Variants in DNAH10 observed in about 807,000 individuals in gnomAD.
DNAH10 encodes dynein axonemal heavy chain 10, also known as axonemal beta dynein heavy chain 10.
Under a neutral mutation model 506.6 loss-of-function variants are expected in DNAH10, and 348 were observed. The observed-to-expected ratio is 0.69, with a 90% CI of 0.63 to 0.75. The LOEUF is 0.75. Among genes scored for constraint, DNAH10 ranks in the 30% least tolerant of loss-of-function variants. The pLI is 0.00. For synonymous variants in DNAH10, 2,059 were observed against 2,198.6 expected, an observed-to-expected ratio of 0.94 and a Z score of 1.78; for missense variants, 5,179 against 5,787.1, an observed-to-expected ratio of 0.89 and a Z score of 3.41.
intron 70 of DNAH10, 166 bp from the exon 71 acceptor site, chr12:123,929,109 C>CT: frequency 2.9e-6 from 2 of 700,564 alleles, no homozygotes; most frequent in Non-Finnish European, 4.7e-6. Context: ...ACATCTAGTC[C>CT]TTTAACTTCT....
chr12:123,780,213 T>C (rs1386936581), intron 5 of DNAH10, among the ~76,000 whole-genome samples: 3 of 143,278 alleles, frequency 2.1e-5, no homozygotes, highest in East Asian at 2.3e-4. Flanking sequence ...ATCGCCCAGG[T>C]TGGAGTGCAG....
rs1954527658 is a variant in DNAH10, at chr12:123,917,343, A to G, written c.11003-241A>G. 6.6e-6 allele frequency among the ~76,000 whole-genome samples: 1 copy of G among 152,112 alleles called. No individual in the cohort carries two copies. The highest frequency in any genetic ancestry group is 2.4e-5 in the African/African-American group (1 of 41,418). On this transcript the variant is annotated intron_variant, in intron 63 of 78. Coordinates refer to ENST00000673944, the MANE Select transcript of DNAH10 (RefSeq NM_001372106.1). The surrounding 1 kb of genome is among the most constrained non-coding windows in gnomAD (Gnocchi z 5.6). ...TAAACTATGGCACCCCAGTCCGTGG[A>G]AGCCTGGGTTTTATTTCAGTGTGTT...
chr12:123,869,713 C>T (rs2136952598), intron 43 of DNAH10, among the ~76,000 whole-genome samples: 1 of 152,340 alleles, frequency 6.6e-6, no homozygotes, highest in Middle Eastern at 3.4e-3. Context: ...GCCCCTTCCT[C>T]CTTCTCAGGC....
intron 2 of DNAH10, among the ~76,000 whole-genome samples, chr12:123,770,477 CGTAA>C (rs1175089229): frequency 8.0e-6 from 1 of 125,772 alleles, no homozygotes; most frequent in Non-Finnish European, 1.6e-5. Flanking sequence ...GGCACCTGCT[CGTAA>C]GTGTGATTTT....
intron 39 of DNAH10, among the ~76,000 whole-genome samples, chr12:123,863,034 T>G (rs1252760608): frequency 6.6e-6 from 1 of 152,100 alleles, no homozygotes; most frequent in African/African-American, 2.4e-5. Flanking sequence ...CTCTGTAAGT[T>G]TGAAATTATT....
intron 37 of DNAH10, among the ~76,000 whole-genome samples, chr12:123,858,401 C>T (rs1951484367): frequency 6.6e-6 from 1 of 152,114 alleles, no homozygotes; most frequent in Admixed American, 6.5e-5. Flanking sequence ...CACCGGGTAC[C>T]GGCCGTGGAC....
chr12:123,915,118 C>A, intron 62 of DNAH10, 119 bp downstream of exon 62: 1 of 1,342,766 alleles, frequency 7.4e-7, no homozygotes, highest in Non-Finnish European at 9.9e-7. Context: ...GAAATGCTTC[C>A]ATCCTGACCC....
intron 11 of DNAH10, among the ~76,000 whole-genome samples, chr12:123,791,475 G>A (rs1958077943): frequency 6.6e-6 from 1 of 152,122 alleles, no homozygotes; most frequent in Admixed American, 6.5e-5. Context: ...AGTTCTACTT[G>A]GTTATATAGA....
At chr12:123,889,399 A>G (rs1952878657) in intron 52 of DNAH10, among the ~76,000 whole-genome samples, 1 of 151,968 alleles carries the variant, frequency 6.6e-6, no homozygotes, top group African/African-American at 2.4e-5. Context: ...GAGAGGGGGG[A>G]TCGGGTCATC....
intron 38 of DNAH10, 159 bp from the exon 39 acceptor site, chr12:123,860,853 C>A: frequency 1.1e-6 from 1 of 875,646 alleles, no homozygotes; most frequent in Non-Finnish European, 1.8e-6. Flanking sequence ...TAGAAGAAAG[C>A]ACTAACAGTG....
chr12:123,927,001 C>A, intron 69 of DNAH10, 181 bp downstream of exon 69: 3 of 677,700 alleles, frequency 4.4e-6, no homozygotes, highest in Non-Finnish European at 7.3e-6. Flanking sequence ...ATTTCACAAC[C>A]TCATGTTGTG....
chr12:123,847,898 G>A, intron 32 of DNAH10, 63 bp from the exon 33 acceptor site: 1 of 1,540,022 alleles, frequency 6.5e-7, no homozygotes. Flanking sequence ...GATGAATTTG[G>A]AAATGACACC....
chr12:123,812,277 C>G (rs1406133167), intron 19 of DNAH10, among the ~76,000 whole-genome samples: 1 of 152,042 alleles, frequency 6.6e-6, no homozygotes, highest in Non-Finnish European at 1.5e-5. Flanking sequence ...CGGTGAAACC[C>G]CATCTCTACT....
At chr12:123,856,576 C>T (rs1357712274) in intron 36 of DNAH10, among the ~76,000 whole-genome samples, 1 of 150,964 alleles carries the variant, frequency 6.6e-6, no homozygotes, top group Non-Finnish European at 1.5e-5. Flanking sequence ...AGGTTATCCA[C>T]CCACCTCAGC....
At position 123,926,823 on chromosome 12, in the gene DNAH10, A is replaced by G. The variant is rs542898727; in HGVS notation, c.12105+3A>G. The stretch of plus-strand genomic sequence containing the variant: ...CAATGGGTCAAGGTCAAGAAAAGGT[A>G]ATTTGTGGCTGAAAGGAACAAGCTC... On this transcript the variant is annotated splice_donor_region_variant and intron_variant, in intron 69 of 78. Transcript: ENST00000673944. The surrounding 1 kb of genome is among the most constrained non-coding windows in gnomAD (Gnocchi z 4.1). The G allele has an allele frequency of 6.2e-7, 1 of 1,613,670 alleles. No individual in the cohort carries two copies. The highest frequency in any genetic ancestry group is 1.7e-5 in the Admixed American group (1 of 59,994).
chr12:123,783,196 C>A lies in DNAH10; in HGVS notation c.931C>A (p.Gln311Lys). 1 of 1,614,156 alleles carries A rather than the reference C, an allele frequency of 6.2e-7. No individual in the cohort carries two copies. Among genetic ancestry groups the A allele is most frequent in the Non-Finnish European group, 8.5e-7 (1 of 1,180,020 alleles). Reference protein sequence around the residue: ...ADPETVDILEQCVINWLNQIS... With the variant: ...ADPETVDILEKCVINWLNQIS... ...CCCGGAAACCGTTGACATCTTGGAG[C>A]AGTGTGTGATAAACTGGCTGAATCA... Residue 311 changes from glutamine to lysine, a missense_variant, in exon 7 of 79, where the codon CAG becomes AAG. By Grantham distance (53) the Gln-to-Lys change is moderately conservative. Transcript: ENST00000673944.
At chr12:123,858,506 A>C (rs1951488412) in intron 37 of DNAH10, among the ~76,000 whole-genome samples, 1 of 152,230 alleles carries the variant, frequency 6.6e-6, no homozygotes, top group Non-Finnish European at 1.5e-5. Context: ...TGGTGCAGCC[A>C]CTTTGGAAAA....
chr12:123,898,957 G>A, intron 56 of DNAH10, 143 bp downstream of exon 56: 3 of 1,276,884 alleles, frequency 2.3e-6, no homozygotes, highest in Non-Finnish European at 3.1e-6. Context: ...TAGGCACTGA[G>A]CGTGCCATCT....
At position 123,893,092 on chromosome 12, in the gene DNAH10, C is replaced by T. The variant is rs113387045; in HGVS notation, c.8996-141C>T. On this transcript the variant is annotated intron_variant, in intron 52 of 78. Transcript: ENST00000673944. The stretch of plus-strand genomic sequence containing the variant: ...CTTGCCACGAGGTGGCAGGGAGCCT[C>T]GGGTCTCAGGTCAGGCCCACACGCT... 0.014 allele frequency: 11,767 copies of T among 845,994 alleles called. 895 individuals are homozygous for T. The African/African-American group carries it at 0.17, about 12-fold the overall frequency. 52.4% of individuals were successfully genotyped at this position (845,994 alleles called of 1,614,324 possible). A position where few individuals can be genotyped will look rare whatever the true frequency, so the allele number is the denominator to read the frequency against.
Sources: gnomAD v4.1 joint callset for allele counts (sites outside exome capture counted in the v4.1 genomes callset) on GRCh38, gnomAD v4.1.1 for gene constraint, Gnocchi (gnomAD v3.1) non-coding constraint, MANE v1.5 for transcripts, NCBI Gene and HGNC (gene_info 2026-07-23, HGNC 2026-07-21) for gene names.